The following ARHGAP20 variants were observed in gnomAD, a reference collection of about 807,000 sequenced individuals.
ARHGAP20 encodes rho GTPase-activating protein 20.
A neutral mutation model predicts 73.7 loss-of-function variants in ARHGAP20; 34 were observed. The observed-to-expected ratio is 0.46, with a 90% CI of 0.35 to 0.61. ARHGAP20 has a LOEUF of 0.61. Among genes scored for constraint, ARHGAP20 ranks in the 20% least tolerant of loss-of-function variants. The probability of loss-of-function intolerance (pLI) is 0.00; values close to 1 mark genes in which losing one functional copy is unlikely to be tolerated. For synonymous variants in ARHGAP20, 523 were observed against 518.2 expected (o/e 1.01, Z -0.13); for missense variants, 1,314 against 1,420.9 (o/e 0.92, Z 1.21).
intron 2 of ARHGAP20, among the ~76,000 whole-genome samples, chr11:110,689,983 T>C (rs2135115714): frequency 6.6e-6 from 1 of 152,248 alleles, no homozygotes; most frequent in South Asian, 2.1e-4. Context: ...AAATGTCTAT[T>C]TCAATGTCCA....
intron 2 of ARHGAP20, among the ~76,000 whole-genome samples, chr11:110,641,784 C>T (rs1949083593): frequency 6.6e-6 from 1 of 152,044 alleles, no homozygotes; most frequent in East Asian, 1.9e-4. Context: ...CAGATCCCAA[C>T]TAAGGGAGAA....
At chr11:110,581,309 T>G (rs1178841349) in intron 14 of ARHGAP20, 84 bp from the exon 15 acceptor site, 19 of 1,334,954 alleles carry the variant, frequency 1.4e-5, no homozygotes, top group Non-Finnish European at 1.2e-5. Flanking sequence ...TCTCTTTTCA[T>G]GTGAAGTGTT....
chr11:110,667,589 G>C (rs560106505), intron 2 of ARHGAP20, among the ~76,000 whole-genome samples: 36 of 152,282 alleles, frequency 2.4e-4, no homozygotes, highest in Non-Finnish European at 4.1e-4. Flanking sequence ...GCAGTGCATG[G>C]ATCAAGAAAT....
chr11:110,661,195 T>C (rs1241636069), intron 2 of ARHGAP20, among the ~76,000 whole-genome samples: 1 of 152,186 alleles, frequency 6.6e-6, no homozygotes, highest in Admixed American at 6.6e-5. Context: ...AGATAATTAT[T>C]AAGTCCAAGA....
At chr11:110,649,253 T>C (rs1368909468) in intron 2 of ARHGAP20, among the ~76,000 whole-genome samples, 1 of 142,724 alleles carries the variant, frequency 7.0e-6, no homozygotes, top group African/African-American at 2.7e-5. Flanking sequence ...TTTCCCAGGC[T>C]GGTCTCAAAC....
chr11:110,663,260 A>G (rs1949653793), intron 2 of ARHGAP20, among the ~76,000 whole-genome samples: 1 of 151,270 alleles, frequency 6.6e-6, no homozygotes, highest in South Asian at 2.1e-4. Context: ...TGGTTCTTTA[A>G]GAGTACTCAT....
intron 1 of ARHGAP20, among the ~76,000 whole-genome samples, chr11:110,704,713 G>A (rs763452640): frequency 3.9e-5 from 6 of 152,252 alleles, no homozygotes; most frequent in Non-Finnish European, 8.8e-5. Context: ...GTTTGTTTCA[G>A]AAAACTGTTG....
At chr11:110,586,417 C>G (rs1229450244) in intron 11 of ARHGAP20, 92 bp from the exon 12 acceptor site, 1 of 681,392 alleles carries the variant, frequency 1.5e-6, no homozygotes, top group African/African-American at 1.9e-5. Context: ...TGAAAAGTTC[C>G]CTTACGTACT....
chr11:110,708,755 A>G (rs1476497002), intron 1 of ARHGAP20, among the ~76,000 whole-genome samples: 1 of 152,222 alleles, frequency 6.6e-6, no homozygotes, highest in African/African-American at 2.4e-5. Flanking sequence ...AGAAAGGGAC[A>G]TGAGGAAACT....
intron 14 of ARHGAP20, among the ~76,000 whole-genome samples, chr11:110,581,459 C>A (rs1464585311): frequency 6.6e-6 from 1 of 152,090 alleles, no homozygotes; most frequent in East Asian, 1.9e-4. Context: ...TTTCTTAAAG[C>A]AATGAACATG....
At chr11:110,652,340 G>C (rs1949374294) in intron 2 of ARHGAP20, among the ~76,000 whole-genome samples, 1 of 151,990 alleles carries the variant, frequency 6.6e-6, no homozygotes, top group Admixed American at 6.6e-5. Context: ...ACAATGATAT[G>C]CTCTCTCTCC....
rs1292259601 is a variant in ARHGAP20, at chr11:110,648,190, TAA to T, written c.189-17400_189-17399del. On this transcript the variant is annotated intron_variant, in intron 2 of 14. Transcript: ENST00000683387. ...ATATGTAAATATATATATATATATG[TAA>T]ATATATATATATATGTAAATATATA... is the stretch of plus-strand genomic sequence containing the variant. Among the ~76,000 whole-genome samples, 535 of 89,840 alleles carry T rather than the reference TAA, an allele frequency of 6.0e-3. 3 individuals carry two copies. The highest frequency in any genetic ancestry group is 0.024 in the African/African-American group (487 of 20,528). 58.9% of individuals were successfully genotyped at this position (89,840 alleles called of 152,430 possible).
intron 1 of ARHGAP20, among the ~76,000 whole-genome samples, chr11:110,706,242 G>A (rs1328668268): frequency 6.6e-6 from 1 of 152,034 alleles, no homozygotes; most frequent in South Asian, 2.1e-4. Flanking sequence ...TGATAGTCTC[G>A]TTGAAAAGAG....
At chr11:110,701,668 C>A in intron 1 of ARHGAP20, among the ~76,000 whole-genome samples, 1 of 152,096 alleles carries the variant, frequency 6.6e-6, no homozygotes, top group East Asian at 1.9e-4. Flanking sequence ...ATGCCTATGT[C>A]CTGAATGGTA....
intron 1 of ARHGAP20, 200 bp downstream of exon 1, chr11:110,711,927 C>G (rs1006336417): frequency 8.8e-6 from 11 of 1,253,310 alleles, no homozygotes; most frequent in Non-Finnish European, 1.1e-5. Context: ...GAGAAGCGGG[C>G]GCTCTGCGGG....
Position 110,648,192 on chromosome 11 carries a change from A to AAT in ARHGAP20, c.189-17402_189-17401dup, listed in dbSNP as rs1367387535. ...ATGTAAATATATATATATATATGTA[A>AAT]ATATATATATATATGTAAATATATA... On this transcript the variant is annotated intron_variant, in intron 2 of 14. Transcript: ENST00000683387. 7.0e-3 allele frequency among the ~76,000 whole-genome samples: 846 copies of AAT among 120,238 alleles called. 9 individuals carry two copies. Among genetic ancestry groups the AAT allele is most frequent in the Non-Finnish European group, 8.6e-3 (515 of 59,766 alleles). 78.9% of individuals were successfully genotyped at this position (120,238 alleles called of 152,430 possible).
rs565829080 is a variant in ARHGAP20 at position 110,690,707 on chromosome 11, T to G, written c.106-78A>C. On this transcript the variant is annotated intron_variant, in intron 1 of 14. Coordinates refer to ENST00000683387, the MANE Select transcript of ARHGAP20 (RefSeq NM_001384657.1). ...ATGTTGATTTTTTTTTAAATCCAAT[T>G]TAACAAGTTTTGCATTGCCTATCTT... The G allele has an allele frequency of 2.8e-6, 4 of 1,411,706 alleles. No homozygotes were observed. The East Asian group carries it at 6.9e-5, about 24-fold the overall frequency. 87.4% of individuals were successfully genotyped at this position (1,411,706 alleles called of 1,614,324 possible).
chr11:110,620,058 G>A (rs1565442543), intron 4 of ARHGAP20, among the ~76,000 whole-genome samples: 1 of 152,016 alleles, frequency 6.6e-6, no homozygotes, highest in Non-Finnish European at 1.5e-5. Flanking sequence ...GTCTTGCTCA[G>A]GCTAGAGCTA....
chr11:110,630,618 G>C lies in ARHGAP20; in HGVS notation c.353+10C>G. On this transcript the variant is annotated intron_variant, in intron 3 of 14. Coordinates refer to ENST00000683387, the MANE Select transcript of ARHGAP20 (RefSeq NM_001384657.1). ...TTATAATGATAATCAGGAGTATATAGTATACATACTTGATTTTGGCCACAA... is the reference window on the plus strand; with the variant it reads ...TTATAATGATAATCAGGAGTATATACTATACATACTTGATTTTGGCCACAA... 6.2e-7 allele frequency: 1 copy of C among 1,612,026 alleles called. No homozygotes were observed. Among genetic ancestry groups the C allele is most frequent in the Non-Finnish European group, 8.5e-7 (1 of 1,178,368 alleles).
Sources: gnomAD v4.1 joint callset for allele counts (sites outside exome capture counted in the v4.1 genomes callset) on GRCh38, gnomAD v4.1.1 for gene constraint, MANE v1.5 for transcripts, NCBI Gene and HGNC (gene_info 2026-07-23, HGNC 2026-07-21) for gene names.